The following TRAPPC2B variants were observed in gnomAD, a reference collection of about 807,000 sequenced individuals.
TRAPPC2B encodes MBP-1 interacting protein-2A.
A neutral mutation model predicts 8.4 loss-of-function variants in TRAPPC2B; 5 were observed. The observed-to-expected ratio is 0.59, with a 90% CI of 0.31 to 1.25. The LOEUF is 1.25. Ranked by LOEUF, TRAPPC2B falls within the 50% of genes most tolerant of loss-of-function variation. The pLI, the probability that TRAPPC2B is intolerant of heterozygous loss-of-function variation, is 0.06. For missense variants in TRAPPC2B, 161 were observed against 173.2 expected, an observed-to-expected ratio of 0.93 and a Z score of 0.40; for synonymous variants, 46 against 58.1, an observed-to-expected ratio of 0.79 and a Z score of 0.95.
intron 1 of TRAPPC2B, 37 bp from the exon 2 acceptor site, chr19:57,364,778 C>A (rs546912294): frequency 6.9e-7 from 1 of 1,441,836 alleles, no homozygotes; most frequent in Admixed American, 1.9e-5. Context: ...TCCGCGGAAA[C>A]TGACATTGCG....
At position 57,364,569 on chromosome 19, in the gene TRAPPC2B, C is replaced by T. The variant is rs560281715; in HGVS notation, c.-19-246C>T. The T allele has an allele frequency of 6.0e-4, 308 of 516,678 alleles. 3 individuals are homozygous for T. The highest frequency in any genetic ancestry group is 4.1e-3 in the African/African-American group (213 of 52,284). 32.0% of individuals were successfully genotyped at this position (516,678 alleles called of 1,614,324 possible). A position where few individuals can be genotyped will look rare whatever the true frequency, so the allele number is the denominator to read the frequency against. ...CAGCCTGACCAACATGGTGAAACCCCGTCTTTAGTAAAAATACAAAAATTA... is the reference window on the plus strand; with the variant it reads ...CAGCCTGACCAACATGGTGAAACCCTGTCTTTAGTAAAAATACAAAAATTA... On this transcript the variant is annotated intron_variant, in intron 1 of 1. Coordinates refer to ENST00000543226, the MANE Select transcript of TRAPPC2B (RefSeq NM_001355204.2).
In TRAPPC2B at chr19:57,364,754, G is replaced by C; in HGVS notation, c.-19-61G>C. ...AGATTCCGTGTCAAAAAAAGGTGCG[G>C]AGCGCGGGTCTCTTCCGCGGAAACT... On this transcript the variant is annotated intron_variant, in intron 1 of 1. Coordinates refer to ENST00000543226, the MANE Select transcript of TRAPPC2B (RefSeq NM_001355204.2). 2.2e-5 allele frequency: 27 copies of C among 1,216,076 alleles called. 1 individual carries two copies. In the South Asian group the frequency reaches 3.4e-4, roughly 15 times the overall value. 75.3% of individuals were successfully genotyped at this position (1,216,076 alleles called of 1,614,324 possible). A position where few individuals can be genotyped will look rare whatever the true frequency, so the allele number is the denominator to read the frequency against.
chr19:57,365,188 TCTC>T lies in TRAPPC2B; in HGVS notation c.358_360del (p.Pro120del), dbSNP rs2088457910. 6.3e-7 allele frequency: 1 copy of T among 1,592,308 alleles called. No homozygotes were observed. The highest frequency in any genetic ancestry group is 1.3e-5 in the African/African-American group (1 of 74,090). On this transcript the variant is annotated inframe_deletion, in exon 2 of 2. Coordinates refer to ENST00000543226, the MANE Select transcript of TRAPPC2B (RefSeq NM_001355204.2). The stretch of plus-strand genomic sequence containing the variant: ...AATGAATCCATTTTATGAACCCAAT[TCTC>T]CTATTCGATCAAGTGCATTTGACAG...
Position 57,364,972 on chromosome 19 carries a change from G to A in TRAPPC2B, c.139G>A (p.Asp47Asn), listed in dbSNP as rs767881280. The A allele has an allele frequency of 1.7e-5, 27 of 1,612,932 alleles. No homozygotes were observed. Among genetic ancestry groups the A allele is most frequent in the Non-Finnish European group, 2.2e-5 (26 of 1,179,112 alleles). ...CCAGTTCATAGCTCATGCTGCTCTC[G>A]ACCTCGTAGATGAGAACATGTGGCT... ...LNQFIAHAAL[D>N]LVDENMWLSN... The change falls in exon 2 of 2, where the codon GAC becomes AAC. Residue 47 changes from aspartate (D) to asparagine (N), a missense_variant. Physicochemically the swap from Asp to Asn is conservative, Grantham distance 23. Transcript: ENST00000543226.
At chr19:57,364,341 G>T in intron 1 of TRAPPC2B, 1 of 161,084 alleles carries the variant, frequency 6.2e-6, no homozygotes. Context: ...TCATGGGTTG[G>T]AGTTTGGCCA....
chr19:57,364,440 TTC>T, intron 1 of TRAPPC2B: 1 of 282,536 alleles, frequency 3.5e-6, no homozygotes, highest in Non-Finnish European at 6.9e-6. Flanking sequence ...CTGGTGTAGA[TTC>T]TTCAAAAGAA....
At chr19:57,364,704 G>C in intron 1 of TRAPPC2B, 111 bp from the exon 2 acceptor site, 1 of 769,632 alleles carries the variant, frequency 1.3e-6, no homozygotes, top group Non-Finnish European at 2.1e-6. Context: ...TCGCGCCATT[G>C]CACTCCAGCC....
chr19:57,365,071 C>T lies in TRAPPC2B; in HGVS notation c.238C>T (p.His80Tyr). 2.5e-6 allele frequency: 4 copies of T among 1,610,650 alleles called. No individual in the cohort carries two copies. Among genetic ancestry groups the T allele is most frequent in the Non-Finnish European group, 3.4e-6 (4 of 1,177,156 alleles). The stretch of plus-strand genomic sequence containing the variant: ...TGTGTCAGCATTTGTCACCGCGGGG[C>T]ATATGAGGTTTATTATGCTTCATGA... ...WFVSAFVTAG[H>Y]MRFIMLHDIR... is the part of the protein sequence containing the mutation. Residue 80 changes from histidine (H) to tyrosine (Y), a missense_variant, in exon 2 of 2, where the codon CAT (histidine) becomes TAT (tyrosine). Coordinates refer to ENST00000543226, the MANE Select transcript of TRAPPC2B (RefSeq NM_001355204.2).
Position 57,365,134 on chromosome 19 carries a change from G to A in TRAPPC2B, c.301G>A (p.Asp101Asn), listed in dbSNP as rs748571360. 1 of 1,603,550 alleles carries A rather than the reference G, an allele frequency of 6.2e-7. No individual in the cohort carries two copies. The highest frequency in any genetic ancestry group is 1.1e-5 in the South Asian group (1 of 90,262). The change falls in exon 2 of 2, where the codon GAT becomes AAT. Residue 101 changes from aspartate (D) to asparagine (N), a missense_variant. Coordinates refer to ENST00000543226, the MANE Select transcript of TRAPPC2B (RefSeq NM_001355204.2). ...AGATGGAATAAAGAACTTCTTTACTGATGTTTATGATTTATATATAAAATT... is the reference window on the plus strand; with the variant it reads ...AGATGGAATAAAGAACTTCTTTACTAATGTTTATGATTTATATATAAAATT... ...QEDGIKNFFT[D>N]VYDLYIKFSM...
In TRAPPC2B at chr19:57,365,365, A is replaced by G. The variant is rs1436983902; in HGVS notation, c.*109A>G. 28 of 775,580 alleles carry G rather than the reference A, an allele frequency of 3.6e-5. No individual in the cohort carries two copies. The highest frequency in any genetic ancestry group is 5.3e-5 in the Non-Finnish European group (25 of 475,492). The allele number at this position is 775,580 out of a possible 1,614,324, so 48.0% of individuals were successfully genotyped here. A position where few individuals can be genotyped will look rare whatever the true frequency, so the allele number is the denominator to read the frequency against. On this transcript the variant is annotated 3_prime_UTR_variant, in exon 2 of 2. Coordinates refer to ENST00000543226, the MANE Select transcript of TRAPPC2B (RefSeq NM_001355204.2). ...GCCTGGAAATCTTTTGTGTATTCTC[A>G]GCTTATCTAAACTTAATGAAATTTC...
rs761604967 is a variant in TRAPPC2B at position 57,365,203 on chromosome 19, A to T, written c.370A>T (p.Ser124Cys). ...FYEPNSPIRSSAFDRKVQFLG... is the reference protein window; with the variant it reads ...FYEPNSPIRSCAFDRKVQFLG... ...TGAACCCAATTCTCCTATTCGATCAAGTGCATTTGACAGAAAAGTTCAGTT... is the reference window on the plus strand; with the variant it reads ...TGAACCCAATTCTCCTATTCGATCATGTGCATTTGACAGAAAAGTTCAGTT... Residue 124 changes from serine (S) to cysteine (C), a missense_variant, in exon 2 of 2, where the codon AGT becomes TGT. Physicochemically the swap from Ser to Cys is moderately radical, Grantham distance 112. Coordinates refer to ENST00000543226, the MANE Select transcript of TRAPPC2B (RefSeq NM_001355204.2). 2 of 1,588,924 alleles carry T rather than the reference A, an allele frequency of 1.3e-6. No individual in the cohort carries two copies. Among genetic ancestry groups the T allele is most frequent in the Non-Finnish European group, 1.7e-6 (2 of 1,166,436 alleles).
At chr19:57,364,221 C>T (rs956510067) in intron 1 of TRAPPC2B, 3 of 155,888 alleles carry the variant, frequency 1.9e-5, no homozygotes, top group African/African-American at 7.3e-5. Context: ...TCAGATATGT[C>T]TGTGAGCAAA....
At chr19:57,363,773 A>C (rs1305398667) in intron 1 of TRAPPC2B, 70 bp downstream of exon 1, 1 of 152,788 alleles carries the variant, frequency 6.5e-6, no homozygotes, top group Admixed American at 6.6e-5. Context: ...AGCCCATAGA[A>C]GGGGCCCTGC....
At position 57,364,832 on chromosome 19, in the gene TRAPPC2B, C is replaced by T. The variant is rs1181157594; in HGVS notation, c.-2C>T. 6.2e-7 allele frequency: 1 copy of T among 1,602,922 alleles called. No homozygotes were observed. The highest frequency in any genetic ancestry group is 8.5e-7 in the Non-Finnish European group (1 of 1,172,998). ...CGCTGCAGGAGCCATATATTGAAGACCATGTCTGGAAGCTTCTACTTTGTA... is the reference window on the plus strand; with the variant it reads ...CGCTGCAGGAGCCATATATTGAAGATCATGTCTGGAAGCTTCTACTTTGTA... On this transcript the variant is annotated 5_prime_UTR_variant, in exon 2 of 2. Coordinates refer to ENST00000543226, the MANE Select transcript of TRAPPC2B (RefSeq NM_001355204.2).
chr19:57,364,633 C>T (rs2088449533), intron 1 of TRAPPC2B, 182 bp from the exon 2 acceptor site: 1 of 603,276 alleles, frequency 1.7e-6, no homozygotes. Flanking sequence ...CCCAGCTATT[C>T]GGGAGGCTGA....
Position 57,364,889 on chromosome 19 carries a change from A to C in TRAPPC2B, c.56A>C (p.Glu19Ala). Residue 19 changes from glutamate (E) to alanine (A), a missense_variant, in exon 2 of 2, where the codon GAA becomes GCA. Transcript: ENST00000543226. ...GGTCACCATGATAATCCAGTTTTTG[A>C]AATGGAGTTTTTGCCAGCTGGGAAG... The part of the protein sequence containing the change: ...IVGHHDNPVF[E>A]MEFLPAGKAE... 3.1e-6 allele frequency: 5 copies of C among 1,612,076 alleles called. No homozygotes were observed. The highest frequency in any genetic ancestry group is 4.2e-6 in the Non-Finnish European group (5 of 1,178,526).
intron 1 of TRAPPC2B, 67 bp from the exon 2 acceptor site, chr19:57,364,748 G>T (rs1330138397): frequency 1.1e-5 from 13 of 1,136,426 alleles, no homozygotes; most frequent in Non-Finnish European, 1.1e-5. Context: ...GTCAAAAAAA[G>T]GTGCGGAGCG....
At chr19:57,364,576 A>T (rs1192937244) in intron 1 of TRAPPC2B, 13 of 534,618 alleles carry the variant, frequency 2.4e-5, no homozygotes, top group Middle Eastern at 5.1e-4. Context: ...CCCCGTCTTT[A>T]GTAAAAATAC....
rs150190373 is a variant in TRAPPC2B, at chr19:57,365,027, A to G, written c.194A>G (p.Asp65Gly). Residue 65 changes from aspartate to glycine, a missense_variant, in exon 2 of 2, where the codon GAC becomes GGC. Transcript: ENST00000543226. ...LSNNMYLKTV[D>G]KFNEWFVSAF... ...AACAACATGTACTTGAAAACTGTGG[A>G]CAAGTTCAACGAGTGGTTTGTGTCA... 24 of 1,612,332 alleles carry G rather than the reference A, an allele frequency of 1.5e-5. No homozygotes were observed. Among genetic ancestry groups the G allele is most frequent in the Middle Eastern group, 1.7e-4 (1 of 6,060 alleles).
Sources: allele counts gnomAD v4.1 joint callset, GRCh38; gene constraint gnomAD v4.1.1; transcripts MANE v1.5; gene names NCBI Gene and HGNC (gene_info 2026-07-23, HGNC 2026-07-21).